The following RBFOX1 variants were observed in gnomAD, a reference collection of about 807,000 sequenced individuals.
The protein encoded by RBFOX1 is RNA binding fox-1 homolog 1, also known as RNA binding protein fox-1 homolog 1.
Under a neutral mutation model 57.7 loss-of-function variants are expected in RBFOX1, and 8 were observed. The observed-to-expected ratio is 0.14, with a 90% CI of 0.08 to 0.25. The LOEUF (loss-of-function observed/expected upper bound fraction) is 0.25. RBFOX1 is among the 10% of genes least tolerant of loss of function. RBFOX1 has a pLI of 1.00. For synonymous variants in RBFOX1, 326 were observed against 222.4 expected (o/e 1.47, Z -4.15); for missense variants, 611 against 548.5 (o/e 1.11, Z -1.14).
At chr16:5,288,912 G>A (rs539610528) in intron 1 of RBFOX1, among the ~76,000 whole-genome samples, 1 of 152,218 alleles carries the variant, frequency 6.6e-6, no homozygotes, top group African/African-American at 2.4e-5. Flanking sequence ...GGGTCATGAG[G>A]TCAGGAGATT....
chr16:7,271,809 G>T (rs1445285614), intron 4 of RBFOX1, among the ~76,000 whole-genome samples: 1 of 151,752 alleles, frequency 6.6e-6, no homozygotes, highest in African/African-American at 2.4e-5. Context: ...TAAATGTCTG[G>T]GTTTCACTCA....
chr16:6,061,008 G>C (rs12920946), intron 1 of RBFOX1, among the ~76,000 whole-genome samples: 87,438 of 151,762 alleles, frequency 0.58, 25,929 homozygotes, highest in Non-Finnish European at 0.66. Flanking sequence ...CAGTTACTGA[G>C]GACAGAACCT....
At chr16:6,781,405 T>C (rs2080998093) in intron 3 of RBFOX1, among the ~76,000 whole-genome samples, 1 of 152,160 alleles carries the variant, frequency 6.6e-6, no homozygotes. Flanking sequence ...GTTGTGTATT[T>C]GTCTAGTTTT....
chr16:7,694,831 T>A (rs968662126), intron 14 of RBFOX1, among the ~76,000 whole-genome samples: 1 of 152,118 alleles, frequency 6.6e-6, no homozygotes, highest in African/African-American at 2.4e-5. Context: ...TGGGGAATAA[T>A]GTTAATTTAA....
intron 4 of RBFOX1, among the ~76,000 whole-genome samples, chr16:7,137,338 T>C (rs750013156): frequency 6.6e-6 from 1 of 152,124 alleles, no homozygotes; most frequent in Non-Finnish European, 1.5e-5. Context: ...AATTCCCACA[T>C]GTTGTGGGAG....
chr16:6,196,248 C>G (rs1444749983), intron 1 of RBFOX1, among the ~76,000 whole-genome samples: 1 of 152,156 alleles, frequency 6.6e-6, no homozygotes. Context: ...TTCAGGATTC[C>G]TAAGCTCGTG....
intron 4 of RBFOX1, among the ~76,000 whole-genome samples, chr16:7,228,248 T>C (rs1295322128): frequency 6.6e-6 from 1 of 152,162 alleles, no homozygotes. Flanking sequence ...AATGAATGAA[T>C]GAACTTCCGA....
intron 1 of RBFOX1, among the ~76,000 whole-genome samples, chr16:5,254,086 C>G (rs2062524112): frequency 6.6e-6 from 1 of 152,192 alleles, no homozygotes; most frequent in South Asian, 2.1e-4. Flanking sequence ...GTTTCTGATT[C>G]TCATTTGTGT....
intron 3 of RBFOX1, among the ~76,000 whole-genome samples, chr16:6,806,805 A>AATAAATAT (rs1555488516): frequency 1.9e-4 from 21 of 110,226 alleles, no homozygotes; most frequent in African/African-American, 6.1e-4. Context: ...TATATATATA[A>AATAAATAT]ATAAATATAT....
At chr16:5,259,376 T>C (rs1057447026) in intron 1 of RBFOX1, among the ~76,000 whole-genome samples, 5 of 152,208 alleles carry the variant, frequency 3.3e-5, no homozygotes, top group African/African-American at 1.2e-4. Flanking sequence ...GCAGCCAGCC[T>C]GGCTCTGGCT....
chr16:6,494,432 T>C (rs573750091), intron 2 of RBFOX1, among the ~76,000 whole-genome samples: 41 of 152,324 alleles, frequency 2.7e-4, no homozygotes, highest in African/African-American at 9.4e-4. Flanking sequence ...TGTAAAACTT[T>C]GTTATTTCAA....
At chr16:7,644,619 C>A (rs542592877) in intron 11 of RBFOX1, among the ~76,000 whole-genome samples, 2 of 152,290 alleles carry the variant, frequency 1.3e-5, no homozygotes, top group East Asian at 3.9e-4. Flanking sequence ...CATCACACAC[C>A]GTAGTCAATA....
intron 3 of RBFOX1, among the ~76,000 whole-genome samples, chr16:5,800,868 G>A (rs983416568): frequency 6.1e-4 from 93 of 152,026 alleles, no homozygotes; most frequent in African/African-American, 2.1e-3. Context: ...CACGGGAGGC[G>A]GTCCTAGGGC....
intron 4 of RBFOX1, among the ~76,000 whole-genome samples, chr16:7,464,050 T>C (rs530867829): frequency 6.6e-6 from 1 of 152,354 alleles, no homozygotes; most frequent in South Asian, 2.1e-4. Context: ...CTAATCTTTT[T>C]GCATAACCCA....
At chr16:7,548,111 C>T (rs1276014348) in intron 5 of RBFOX1, among the ~76,000 whole-genome samples, 1 of 152,184 alleles carries the variant, frequency 6.6e-6, no homozygotes. Flanking sequence ...TCACCCTGTG[C>T]AATATTTTGA....
chr16:6,355,790 G>A (rs1216441000), intron 2 of RBFOX1, among the ~76,000 whole-genome samples: 1 of 152,108 alleles, frequency 6.6e-6, no homozygotes, highest in Non-Finnish European at 1.5e-5. Context: ...ATCCTCTCCA[G>A]CTTCTTTTGT....
intron 2 of RBFOX1, among the ~76,000 whole-genome samples, chr16:5,549,797 G>C (rs1309729283): frequency 6.6e-6 from 1 of 152,166 alleles, no homozygotes; most frequent in Non-Finnish European, 1.5e-5. Flanking sequence ...TTTGGAAGTG[G>C]ATGTCTGAAG....
In RBFOX1 at chr16:7,078,410, C is replaced by T. The variant is rs1025604825; in HGVS notation, c.27+26312C>T. On this transcript the variant is annotated intron_variant, in intron 4 of 15. Transcript: ENST00000550418. ...TCATCCAGTCTGGAGTGCAGTGGCA[C>T]GATCTTGGCTCACTGAAACCTCCGC... Among the ~76,000 whole-genome samples the T allele has an allele frequency of 5.3e-5, 8 of 152,142 alleles. No individual in the cohort carries two copies. The East Asian group carries it at 9.7e-4, about 18-fold the overall frequency.
intron 4 of RBFOX1, among the ~76,000 whole-genome samples, chr16:5,993,509 C>T (rs1008356757): frequency 2.0e-5 from 3 of 152,022 alleles, no homozygotes; most frequent in Non-Finnish European, 4.4e-5. Context: ...AAAATACAGC[C>T]AAGTCTGTAG....
Sources: gnomAD v4.1 joint callset for allele counts (sites outside exome capture counted in the v4.1 genomes callset) on GRCh38, gnomAD v4.1.1 for gene constraint, MANE v1.5 for transcripts, NCBI Gene and HGNC (gene_info 2026-07-23, HGNC 2026-07-21) for gene names.